THAP3: variants seen among roughly 807,000 people sequenced by gnomAD.
The protein encoded by THAP3 is THAP domain-containing protein 3.
A neutral mutation model predicts 17.7 loss-of-function variants in THAP3; 12 were observed. The observed-to-expected ratio is 0.68, with a 90% confidence interval of 0.43 to 1.10. The LOEUF (loss-of-function observed/expected upper bound fraction) is 1.10. Ranked by LOEUF, THAP3 falls within the 50% of genes least tolerant of loss-of-function variation. THAP3 has a pLI of 0.00. For synonymous variants in THAP3, 133 were observed against 126.9 expected (o/e 1.05, Z -0.32); for missense variants, 289 against 318.0 (o/e 0.91, Z 0.69).
At chr1:6,634,466 AGCAAC>A, downstream of THAP3, 2 of 1,311,748 alleles carry the variant, frequency 1.5e-6, no homozygotes, top group Non-Finnish European at 2.0e-6. Flanking sequence ...GCCTGACTTC[AGCAAC>A]AGCTGTGGGT....
Position 6,633,114 on chromosome 1 carries a change from CCA to C in THAP3, c.*38_*39del. The C allele has an allele frequency of 1.9e-6, 3 of 1,561,200 alleles. No homozygotes were observed. Among genetic ancestry groups the C allele is most frequent in the African/African-American group, 2.7e-5 (2 of 73,280 alleles). ...TCCGGACGCAGAGGTGGCAGTGGCA[CCA>C]GGGCCGGCAGAGCTTTGGAGCTCTG... On this transcript the variant is annotated 3_prime_UTR_variant, in exon 6 of 6. Coordinates refer to ENST00000054650, the MANE Select transcript of THAP3 (RefSeq NM_001195753.2).
chr1:6,634,635 G>A (rs1348525744), downstream of THAP3: 2 of 1,366,516 alleles, frequency 1.5e-6, no homozygotes, highest in Non-Finnish European at 2.0e-6. Context: ...TGCAGCCGAG[G>A]TCCAGGCCGT....
At position 6,630,173 on chromosome 1, in the gene THAP3, C is replaced by T. The variant is rs777301343; in HGVS notation, c.268-115C>T. Reference sequence around the variant, plus strand: ...AGGTCAGTTTCATTTAGCAGCTGTTCGTTGACTGGGGCATGCAGTGGGCCG... The same window carrying T: ...AGGTCAGTTTCATTTAGCAGCTGTTTGTTGACTGGGGCATGCAGTGGGCCG... On this transcript the variant is annotated intron_variant, in intron 3 of 5. Coordinates refer to ENST00000054650, the MANE Select transcript of THAP3 (RefSeq NM_001195753.2). The T allele has an allele frequency of 1.1e-4, 100 of 884,630 alleles. 1 individual carries two copies. Among genetic ancestry groups the T allele is most frequent in the Admixed American group, 1.9e-4 (11 of 57,294 alleles). 54.8% of individuals were successfully genotyped at this position (884,630 alleles called of 1,614,324 possible).
chr1:6,635,544 A>G (rs529891375), downstream of THAP3: 3 of 1,032,474 alleles, frequency 2.9e-6, no homozygotes, highest in Admixed American at 4.9e-5. Flanking sequence ...CACATAATTG[A>G]TAATGGTACC....
At chr1:6,635,205 C>T, downstream of THAP3, 1 of 172,626 alleles carries the variant, frequency 5.8e-6, no homozygotes, top group Non-Finnish European at 1.3e-5. Flanking sequence ...TCATGGGAAG[C>T]CAGCACAGCA....
At chr1:6,634,583 G>A (rs1274405322), downstream of THAP3, 2 of 1,365,842 alleles carry the variant, frequency 1.5e-6, no homozygotes, top group Non-Finnish European at 2.0e-6. Flanking sequence ...ACTGATGGCT[G>A]CCACTTCCAG....
downstream of THAP3, chr1:6,634,836 G>A: frequency 8.1e-7 from 1 of 1,241,848 alleles, no homozygotes. Context: ...GGTTGGGTGT[G>A]TCTGATGTCT....
rs1641666087 is a variant in THAP3 at position 6,632,931 on chromosome 1, CTCT to C, written c.577_579del (p.Phe193del). ...GGACTTAGATTCCCTGAAGAAAAAA[CTCT>C]TCCTCACTCTGAAGGAAAATGAAAA... On this transcript the variant is annotated inframe_deletion, in exon 6 of 6. Coordinates refer to ENST00000054650, the MANE Select transcript of THAP3 (RefSeq NM_001195753.2). 1 of 1,612,980 alleles carries C rather than the reference CTCT, an allele frequency of 6.2e-7. No individual in the cohort carries two copies. The highest frequency in any genetic ancestry group is 8.5e-7 in the Non-Finnish European group (1 of 1,179,908).
chr1:6,628,204 C>T, intron 2 of THAP3: 2 of 374,360 alleles, frequency 5.3e-6, no homozygotes, highest in Non-Finnish European at 9.7e-6. Context: ...TCATTACCCC[C>T]CATCCCTAGC....
intron 2 of THAP3, 124 bp downstream of exon 2, chr1:6,625,416 G>GGGGCCCGGGGAC: frequency 2.3e-6 from 2 of 862,570 alleles, no homozygotes; most frequent in Non-Finnish European, 3.1e-6. Context: ...GGGACAGGCC[G>GGGGCCCGGGGAC]AGGTCCTGGG....
chr1:6,634,023 A>G (rs1218608163), downstream of THAP3: 5 of 1,613,364 alleles, frequency 3.1e-6, no homozygotes, highest in East Asian at 2.2e-5. Flanking sequence ...TTCTCAGGCA[A>G]TGTTGTTTAA....
Position 6,628,558 on chromosome 1 carries a change from A to C in THAP3, c.134A>C (p.Asn45Thr), listed in dbSNP as rs1641523669. 2 of 1,613,662 alleles carry C rather than the reference A, an allele frequency of 1.2e-6. No individual in the cohort carries two copies. Among genetic ancestry groups the C allele is most frequent in the Non-Finnish European group, 1.7e-6 (2 of 1,179,984 alleles). The change falls in exon 3 of 6, where the codon AAC (asparagine) becomes ACC (threonine). Residue 45 changes from asparagine (N) to threonine (T), a missense_variant. Transcript: ENST00000054650. ...KEWVLNIGRG[N>T]FKPKQHTVIC... Reference sequence around the variant, plus strand: ...TGGGTGCTGAACATCGGCCGGGGCAACTTCAAGCCCAAGCAGCACACGGTC... The same window carrying C: ...TGGGTGCTGAACATCGGCCGGGGCACCTTCAAGCCCAAGCAGCACACGGTC...
At chr1:6,632,532 C>T in intron 5 of THAP3, 37 bp downstream of exon 5, 3 of 1,612,690 alleles carry the variant, frequency 1.9e-6, no homozygotes, top group East Asian at 2.2e-5. Flanking sequence ...TGGTTGGACA[C>T]AAGATGACTT....
At chr1:6,625,980 C>T (rs1036701523) in intron 2 of THAP3, among the ~76,000 whole-genome samples, 3 of 152,152 alleles carry the variant, frequency 2.0e-5, no homozygotes, top group African/African-American at 4.8e-5. Flanking sequence ...AGTATACAGC[C>T]CAGCGAGTTT....
Position 6,633,002 on chromosome 1 carries a change from G to C in THAP3, c.645G>C (p.Arg215Ser). 3 of 1,612,742 alleles carry C rather than the reference G, an allele frequency of 1.9e-6. No individual in the cohort carries two copies. The highest frequency in any genetic ancestry group is 2.5e-6 in the Non-Finnish European group (3 of 1,179,838). ...AGGCCCAGAGGCTGGTGATGCGAAGGATGTCCAGCCGCCTCCGTGCTTGCA... is the reference window on the plus strand; with the variant it reads ...AGGCCCAGAGGCTGGTGATGCGAAGCATGTCCAGCCGCCTCCGTGCTTGCA... ...RLQAQRLVMR[R>S]MSSRLRACKG... is the part of the protein sequence containing the mutation. The change falls in exon 6 of 6, where the codon AGG becomes AGC. Residue 215 changes from arginine (R) to serine (S), a missense_variant. Arg to Ser is a moderately radical substitution (Grantham distance 110, BLOSUM62 -1). Transcript: ENST00000054650.
chr1:6,628,505 G>T lies in THAP3; in HGVS notation c.81G>T (p.Pro27=). 1 of 1,611,216 alleles carries T rather than the reference G, an allele frequency of 6.2e-7. No homozygotes were observed. The highest frequency in any genetic ancestry group is 8.5e-7 in the Non-Finnish European group (1 of 1,178,924). Residue 27 remains proline, a synonymous_variant, in exon 3 of 6, where the codon CCG becomes CCT. Coordinates refer to ENST00000054650, the MANE Select transcript of THAP3 (RefSeq NM_001195753.2). The part of the protein sequence containing the change: ...RRKQLTFHRF[P]FSRPELLKEW... ...CCCGTGCCTCTGCCCTTAGGTTTCC[G>T]TTCAGCCGCCCGGAGCTGCTGAAGG...
At chr1:6,630,196 C>A in intron 3 of THAP3, 92 bp from the exon 4 acceptor site, 1 of 1,126,272 alleles carries the variant, frequency 8.9e-7, no homozygotes. Context: ...ATGCAGTGGG[C>A]CGAGCAGCGG....
At chr1:6,628,203 C>G (rs993801076) in intron 2 of THAP3, 5 of 372,304 alleles carry the variant, frequency 1.3e-5, no homozygotes, top group African/African-American at 8.6e-5. Flanking sequence ...CTCATTACCC[C>G]CCATCCCTAG....
In THAP3 at chr1:6,630,331, C is replaced by A; in HGVS notation, c.311C>A (p.Ala104Asp). 1 of 1,614,106 alleles carries A rather than the reference C, an allele frequency of 6.2e-7. No individual in the cohort carries two copies. Among genetic ancestry groups the A allele is most frequent in the Non-Finnish European group, 8.5e-7 (1 of 1,179,998 alleles). Residue 104 changes from alanine to aspartate, a missense_variant, in exon 4 of 6, where the codon GCC becomes GAC. Transcript: ENST00000054650. ...NTDPASERGN[A>D]SSSQKEKVLP... The stretch of plus-strand genomic sequence containing the variant: ...GACCCTGCCAGTGAGAGAGGAAATG[C>A]CAGCTCTTCTCAGAAAGAAAAGGTG...
Sources: allele counts gnomAD v4.1 joint callset (sites outside exome capture counted in the v4.1 genomes callset), GRCh38; gene constraint gnomAD v4.1.1; transcripts MANE v1.5; gene names NCBI Gene and HGNC (gene_info 2026-07-23, HGNC 2026-07-21).